Variants in SPATA17 observed in about 807,000 individuals in gnomAD.
The protein encoded by SPATA17 is spermatogenesis associated 17.
A neutral mutation model predicts 62.2 loss-of-function variants in SPATA17; 53 were observed. That is an observed-to-expected ratio of 0.85 (90% CI 0.68 to 1.07). The LOEUF (loss-of-function observed/expected upper bound fraction) is 1.07. SPATA17 is among the 50% of genes least tolerant of loss of function. The pLI, the probability that SPATA17 is intolerant of heterozygous loss-of-function variation, is 0.00. For missense variants in SPATA17, 466 were observed against 425.5 expected (o/e 1.10, Z -0.84); for synonymous variants, 146 against 146.8 (o/e 0.99, Z 0.04).
intron 10 of SPATA17, 47 bp from the exon 11 acceptor site, chr1:217,866,975 A>T (rs917347793): frequency 2.6e-5 from 4 of 152,014 alleles, no homozygotes; most frequent in East Asian, 3.9e-4. Flanking sequence ...TCCACGTCTG[A>T]TGAGTGACCT....
intron 5 of SPATA17, among the ~76,000 whole-genome samples, chr1:217,701,447 G>A (rs1435684220): frequency 6.6e-6 from 1 of 151,416 alleles, no homozygotes; most frequent in South Asian, 2.1e-4. Context: ...GTGCAATGTC[G>A]TGATCTCGGC....
At chr1:217,725,276 T>C (rs904093334) in intron 5 of SPATA17, among the ~76,000 whole-genome samples, 2 of 152,212 alleles carry the variant, frequency 1.3e-5, no homozygotes, top group African/African-American at 4.8e-5. Flanking sequence ...AGTATATTTC[T>C]TGTCAACCTG....
At chr1:217,672,499 C>T (rs573359596) in intron 4 of SPATA17, among the ~76,000 whole-genome samples, 2 of 152,194 alleles carry the variant, frequency 1.3e-5, no homozygotes, top group African/African-American at 4.8e-5. Flanking sequence ...ATATATTTGG[C>T]TATTGATTGC....
rs533613807 is a variant in SPATA17 at position 217,709,343 on chromosome 1, C to T, written c.395+25982C>T. ...TCTTTTGAGGTTGTAGTCAACCTGT[C>T]AGCCAGGGCTGCTGCCTCATGTGAA... On this transcript the variant is annotated intron_variant, in intron 5 of 10. Coordinates refer to ENST00000366933, the MANE Select transcript of SPATA17 (RefSeq NM_138796.4). Among the ~76,000 whole-genome samples the T allele has an allele frequency of 7.9e-5, 12 of 152,268 alleles. No individual in the cohort carries two copies. The South Asian group carries it at 1.7e-3, about 21-fold the overall frequency.
intron 6 of SPATA17, among the ~76,000 whole-genome samples, chr1:217,755,495 A>T (rs538257157): frequency 2.8e-4 from 42 of 152,084 alleles, no homozygotes; most frequent in Non-Finnish European, 2.9e-4. Context: ...TGTCAAAAAA[A>T]TTTTTTTCTT....
chr1:217,773,027 G>A (rs1673491835), intron 6 of SPATA17, among the ~76,000 whole-genome samples: 1 of 152,078 alleles, frequency 6.6e-6, no homozygotes, highest in South Asian at 2.1e-4. Context: ...CATTGCATTT[G>A]GGATAGGATG....
chr1:217,679,726 A>G (rs1178778224), intron 4 of SPATA17, among the ~76,000 whole-genome samples: 3 of 152,188 alleles, frequency 2.0e-5, no homozygotes, highest in Admixed American at 1.3e-4. Context: ...CTGAAAGCAT[A>G]CCAGTTGTAG....
intron 5 of SPATA17, among the ~76,000 whole-genome samples, chr1:217,710,596 A>T (rs1004543539): frequency 3.3e-5 from 5 of 152,058 alleles, no homozygotes; most frequent in Non-Finnish European, 5.9e-5. Flanking sequence ...ATTTTTATGG[A>T]TATTATTTTC....
At chr1:217,829,864 A>G (rs1005071570) in intron 9 of SPATA17, among the ~76,000 whole-genome samples, 1 of 151,906 alleles carries the variant, frequency 6.6e-6, no homozygotes, top group Non-Finnish European at 1.5e-5. Context: ...GTACAACATA[A>G]GGGCTAAAGT....
At chr1:217,760,173 A>G (rs1395387804) in intron 6 of SPATA17, among the ~76,000 whole-genome samples, 2 of 152,236 alleles carry the variant, frequency 1.3e-5, no homozygotes, top group African/African-American at 4.8e-5. Context: ...TGTTACCACC[A>G]GAGAGACTTA....
intron 1 of SPATA17, among the ~76,000 whole-genome samples, chr1:217,634,443 G>C (rs1317306301): frequency 2.0e-5 from 3 of 152,070 alleles, no homozygotes; most frequent in African/African-American, 7.2e-5. Flanking sequence ...ATTCTGGGGT[G>C]GGGGCCACAA....
At chr1:217,651,603 A>C (rs534122708) in intron 3 of SPATA17, among the ~76,000 whole-genome samples, 1 of 152,190 alleles carries the variant, frequency 6.6e-6, no homozygotes, top group Non-Finnish European at 1.5e-5. Context: ...CAAAGCAAAG[A>C]ATAAGGCTTC....
intron 5 of SPATA17, among the ~76,000 whole-genome samples, chr1:217,716,221 T>C (rs1671999423): frequency 6.6e-6 from 1 of 152,214 alleles, no homozygotes; most frequent in Non-Finnish European, 1.5e-5. Flanking sequence ...AGTTGAAGTC[T>C]GTTAATATAT....
chr1:217,797,919 C>T (rs918678534), intron 8 of SPATA17, among the ~76,000 whole-genome samples: 1 of 152,146 alleles, frequency 6.6e-6, no homozygotes, highest in Non-Finnish European at 1.5e-5. Flanking sequence ...TTTAGATAGA[C>T]CTTTTAAGCA....
chr1:217,859,940 A>G (rs1214841862), intron 9 of SPATA17, among the ~76,000 whole-genome samples: 1 of 151,972 alleles, frequency 6.6e-6, no homozygotes, highest in Admixed American at 6.5e-5. Flanking sequence ...GCTTCTGCTT[A>G]CTTTGTAATT....
chr1:217,686,084 A>C (rs566346895), intron 5 of SPATA17, among the ~76,000 whole-genome samples: 1 of 152,184 alleles, frequency 6.6e-6, no homozygotes, highest in Non-Finnish European at 1.5e-5. Context: ...GCCTTGGAAC[A>C]CATTCTCTGT....
chr1:217,710,813 T>C (rs1671842135), intron 5 of SPATA17, among the ~76,000 whole-genome samples: 1 of 151,814 alleles, frequency 6.6e-6, no homozygotes, highest in Non-Finnish European at 1.5e-5. Context: ...CCCTATACCC[T>C]TTATTAGTCA....
intron 3 of SPATA17, among the ~76,000 whole-genome samples, chr1:217,661,201 G>T (rs1262461751): frequency 1.3e-5 from 2 of 152,020 alleles, no homozygotes; most frequent in Non-Finnish European, 2.9e-5. Flanking sequence ...ATTGAGGCTT[G>T]TGGAATGCAT....
chr1:217,837,587 A>G (rs1453136208), intron 9 of SPATA17, among the ~76,000 whole-genome samples: 1 of 151,944 alleles, frequency 6.6e-6, no homozygotes, highest in East Asian at 1.9e-4. Context: ...TTTTTGTTTA[A>G]CCATTACAGC....
Sources: gnomAD v4.1 joint callset for allele counts (sites outside exome capture counted in the v4.1 genomes callset) on GRCh38, gnomAD v4.1.1 for gene constraint, MANE v1.5 for transcripts, NCBI Gene and HGNC (gene_info 2026-07-23, HGNC 2026-07-21) for gene names.